The following EFCAB6 variants were observed in gnomAD, a reference collection of about 807,000 sequenced individuals.
EFCAB6 encodes EF-hand calcium binding domain 6.
Under a neutral mutation model 169.8 loss-of-function variants are expected in EFCAB6, and 156 were observed. That is an observed-to-expected ratio of 0.92 (90% CI 0.81 to 1.05). EFCAB6 has a LOEUF of 1.05. Among genes scored for constraint, EFCAB6 ranks in the 50% least tolerant of loss-of-function variants. EFCAB6 has a pLI of 0.00. For synonymous variants in EFCAB6, 698 were observed against 676.4 expected (o/e 1.03, Z -0.50); for missense variants, 1,800 against 1,829.1 (o/e 0.98, Z 0.29).
chr22:43,774,305 T>C (rs2061568852), intron 3 of EFCAB6, among the ~76,000 whole-genome samples: 1 of 150,892 alleles, frequency 6.6e-6, no homozygotes, highest in Admixed American at 6.6e-5. Flanking sequence ...TCCTCAGAGC[T>C]GTAGGGTGGG....
rs761143558 is a variant in EFCAB6 at position 43,528,886 on chromosome 22, G to A, written c.4473C>T (p.Ser1491=). Residue 1491 remains serine, a synonymous_variant, in exon 32 of 32, where the codon TCC becomes TCT. Transcript: ENST00000262726. ...YYDKTLSSKI[S]YNDFLRAFLQ is the part of the protein sequence containing the mutation. ...GGAATGCCCGGAGGAAGTCGTTGTA[G>A]GAGATTTTTGAAGACAGCGTCTTAT... The A allele has an allele frequency of 6.2e-7, 1 of 1,611,750 alleles. No individual in the cohort carries two copies. The highest frequency in any genetic ancestry group is 1.1e-5 in the South Asian group (1 of 90,904).
At chr22:43,583,214 T>C (rs144530290) in intron 24 of EFCAB6, among the ~76,000 whole-genome samples, 2 of 152,074 alleles carry the variant, frequency 1.3e-5, no homozygotes, top group East Asian at 3.9e-4. Context: ...CCCAGCTGTC[T>C]GGTCATACCA....
intron 23 of EFCAB6, among the ~76,000 whole-genome samples, chr22:43,596,724 A>G (rs896762097): frequency 1.3e-5 from 2 of 152,190 alleles, no homozygotes; most frequent in African/African-American, 4.8e-5. Flanking sequence ...ACCAAATGAC[A>G]TTCTTCACAG....
intron 3 of EFCAB6, among the ~76,000 whole-genome samples, chr22:43,781,833 T>C (rs564474765): frequency 1.3e-5 from 2 of 152,286 alleles, no homozygotes; most frequent in South Asian, 4.1e-4. Context: ...GAACTTCCTG[T>C]GTTTTCTAGT....
rs771202973 is a variant in EFCAB6 at position 43,580,578 on chromosome 22, A to G, written c.3114T>C (p.Ala1038=). 43 of 1,613,972 alleles carry G rather than the reference A, an allele frequency of 2.7e-5. No homozygotes were observed. The highest frequency in any genetic ancestry group is 3.6e-5 in the Non-Finnish European group (43 of 1,180,034). The change falls in exon 25 of 32, where the codon GCT becomes GCC. Residue 1038 remains alanine (A), a synonymous_variant. Coordinates refer to ENST00000262726, the MANE Select transcript of EFCAB6 (RefSeq NM_022785.4). The part of the protein sequence containing the change: ...RAVENSKSTG[A]QPKEKEESMP... Reference sequence around the variant, plus strand: ...TGCTCTCTTCTTTTTCCTTGGGCTGAGCTCCTGTTGACTTGCTGTTCTCCA... The same window carrying G: ...TGCTCTCTTCTTTTTCCTTGGGCTGGGCTCCTGTTGACTTGCTGTTCTCCA...
At chr22:43,560,063 T>C (rs1182692464) in intron 26 of EFCAB6, among the ~76,000 whole-genome samples, 1 of 152,176 alleles carries the variant, frequency 6.6e-6, no homozygotes, top group Non-Finnish European at 1.5e-5. Flanking sequence ...TGTGTATAAA[T>C]AATATACATA....
intron 10 of EFCAB6, among the ~76,000 whole-genome samples, chr22:43,700,795 T>C (rs1307200839): frequency 3.3e-5 from 5 of 152,236 alleles, no homozygotes; most frequent in African/African-American, 1.2e-4. Context: ...CATATCAACA[T>C]GGCTTATTCC....
At chr22:43,578,926 G>A (rs766082911) in intron 25 of EFCAB6, among the ~76,000 whole-genome samples, 53 of 148,828 alleles carry the variant, frequency 3.6e-4, no homozygotes, top group African/African-American at 1.2e-3. Context: ...TTCCGTACAC[G>A]TAGGCATCAT....
intron 13 of EFCAB6, among the ~76,000 whole-genome samples, chr22:43,675,056 C>T (rs1375964521): frequency 6.6e-6 from 1 of 151,654 alleles, no homozygotes; most frequent in Admixed American, 6.6e-5. Flanking sequence ...GGGGTACAGC[C>T]AACACCAACT....
intron 17 of EFCAB6, among the ~76,000 whole-genome samples, chr22:43,654,227 A>T (rs1175207741): frequency 1.3e-5 from 2 of 152,268 alleles, no homozygotes; most frequent in African/African-American, 4.8e-5. Context: ...CCCATGAAAA[A>T]GGATTCCAAA....
At chr22:43,662,310 T>C (rs1309967813) in intron 17 of EFCAB6, among the ~76,000 whole-genome samples, 2 of 152,030 alleles carry the variant, frequency 1.3e-5, no homozygotes, top group African/African-American at 4.8e-5. Context: ...CAGGGCCCCA[T>C]CCACCTGCAG....
At chr22:43,584,670 T>A (rs1453400249) in intron 24 of EFCAB6, among the ~76,000 whole-genome samples, 3 of 152,216 alleles carry the variant, frequency 2.0e-5, no homozygotes, top group African/African-American at 7.2e-5. Context: ...CCATCTAGCA[T>A]TCCTGTTTTA....
intron 28 of EFCAB6, among the ~76,000 whole-genome samples, chr22:43,539,673 A>C (rs897372861): frequency 6.6e-6 from 1 of 152,168 alleles, no homozygotes; most frequent in Non-Finnish European, 1.5e-5. Context: ...GCTTAAAATC[A>C]GGTCGCTCCA....
At chr22:43,771,637 T>C (rs184855643) in intron 4 of EFCAB6, among the ~76,000 whole-genome samples, 2 of 152,172 alleles carry the variant, frequency 1.3e-5, no homozygotes, top group Admixed American at 6.5e-5. Flanking sequence ...GCATTTCATA[T>C]TCCTTTTTTA....
In EFCAB6 at chr22:43,591,111, GTTTTTTTT is replaced by G. The variant is rs67053426; in HGVS notation, c.2877-890_2877-883del. Among the ~76,000 whole-genome samples the G allele has an allele frequency of 7.3e-3, 963 of 131,126 alleles. 8 individuals are homozygous for G. Among genetic ancestry groups the G allele is most frequent in the Middle Eastern group, 0.024 (6 of 248 alleles). 86.0% of individuals were successfully genotyped at this position (131,126 alleles called of 152,430 possible). ...TTGTTGTTGTTGTTTTTTGTTTTTT[GTTTTTTTT>G]TTTTGTTTTTTTTTTGTTTTTTTTA... On this transcript the variant is annotated intron_variant, in intron 23 of 31. Coordinates refer to ENST00000262726, the MANE Select transcript of EFCAB6 (RefSeq NM_022785.4).
intron 5 of EFCAB6, among the ~76,000 whole-genome samples, chr22:43,758,241 T>C (rs1346989310): frequency 1.3e-5 from 2 of 152,204 alleles, no homozygotes; most frequent in Non-Finnish European, 2.9e-5. Flanking sequence ...ATCCTTTGCA[T>C]TTAATGTAGT....
At chr22:43,681,908 G>A (rs1283749550) in intron 12 of EFCAB6, among the ~76,000 whole-genome samples, 5 of 152,204 alleles carry the variant, frequency 3.3e-5, no homozygotes, top group Non-Finnish European at 7.3e-5. Flanking sequence ...CAGCAGTTGG[G>A]TCCACTTGCA....
At chr22:43,776,677 G>A (rs77540245) in intron 3 of EFCAB6, among the ~76,000 whole-genome samples, 12,674 of 152,128 alleles carry the variant, frequency 0.083, 658 homozygotes, top group South Asian at 0.17. Context: ...AGCTTGATAC[G>A]TCCATGAAAG....
intron 10 of EFCAB6, among the ~76,000 whole-genome samples, chr22:43,709,015 G>A (rs926990028): frequency 3.6e-4 from 55 of 152,190 alleles, no homozygotes; most frequent in Middle Eastern, 3.4e-3. Flanking sequence ...CGCATTCTAT[G>A]CACCCATCAT....
Sources: allele counts gnomAD v4.1 joint callset (sites outside exome capture counted in the v4.1 genomes callset), GRCh38; gene constraint gnomAD v4.1.1; transcripts MANE v1.5; gene names NCBI Gene and HGNC (gene_info 2026-07-23, HGNC 2026-07-21).